GPN3: variants seen among roughly 807,000 people sequenced by gnomAD.
The protein encoded by GPN3 is ATP-binding domain 1 family member C.
Under a neutral mutation model 38.7 loss-of-function variants are expected in GPN3, and 31 were observed. The observed-to-expected ratio is 0.80, with a 90% CI of 0.60 to 1.08. The LOEUF is 1.08. Among genes scored for constraint, GPN3 ranks in the 50% least tolerant of loss-of-function variants. The pLI, the probability that GPN3 is intolerant of heterozygous loss-of-function variation, is 0.00. For missense variants in GPN3, 301 were observed against 354.4 expected (o/e 0.85, Z 1.21); for synonymous variants, 116 against 120.2 (o/e 0.96, Z 0.23).
intron 1 of GPN3, among the ~76,000 whole-genome samples, chr12:110,467,462 C>T (rs1252498143): frequency 5.9e-5 from 9 of 152,098 alleles, no homozygotes; most frequent in Admixed American, 5.9e-4. Flanking sequence ...TATATAAAAT[C>T]TTTAAATGTT....
At chr12:110,466,291 C>A (rs1299634929) in intron 1 of GPN3, among the ~76,000 whole-genome samples, 1 of 152,080 alleles carries the variant, frequency 6.6e-6, no homozygotes, top group Non-Finnish European at 1.5e-5. Flanking sequence ...CCCATACAAC[C>A]CCCAGGGCCC....
chr12:110,460,942 C>G, intron 2 of GPN3: 1 of 918,178 alleles, frequency 1.1e-6, no homozygotes, highest in South Asian at 1.3e-5. Context: ...CAAGCCCAGG[C>G]GACAGAGCAA....
intron 1 of GPN3, among the ~76,000 whole-genome samples, chr12:110,467,158 T>A (rs1210240468): frequency 6.6e-6 from 1 of 151,950 alleles, no homozygotes; most frequent in Non-Finnish European, 1.5e-5. Flanking sequence ...CTGGCTAATT[T>A]TTGCATTTTT....
chr12:110,466,713 C>T lies in GPN3; in HGVS notation c.48+1443G>A, dbSNP rs576077023. 7.2e-5 allele frequency among the ~76,000 whole-genome samples: 11 copies of T among 152,212 alleles called. No homozygotes were observed. In the East Asian group the frequency reaches 2.1e-3, roughly 29 times the overall value. ...GCTTCACCATGGTGCCCAGGCTGAC[C>T]CTGAACTCCTGGGCTCAAGTGATCT... On this transcript the variant is annotated intron_variant, in intron 1 of 7. Transcript: ENST00000228827.
chr12:110,456,691 C>CT (rs61183219), intron 4 of GPN3, among the ~76,000 whole-genome samples: 3,854 of 141,326 alleles, frequency 0.027, 64 homozygotes, highest in Middle Eastern at 0.066. Flanking sequence ...ACTACTTCCT[C>CT]TTTTTTTTTT....
At chr12:110,464,337 A>G (rs2135527583) in intron 2 of GPN3, among the ~76,000 whole-genome samples, 1 of 152,134 alleles carries the variant, frequency 6.6e-6, no homozygotes, top group East Asian at 1.9e-4. Flanking sequence ...CATGTTCATC[A>G]TGTTGTTTAT....
chr12:110,460,381 G>T (rs565871955), intron 2 of GPN3, among the ~76,000 whole-genome samples: 2 of 152,212 alleles, frequency 1.3e-5, no homozygotes, highest in African/African-American at 4.8e-5. Context: ...TATGAACCAT[G>T]TGAATATGTA....
chr12:110,466,983 G>A (rs1357344842), intron 1 of GPN3, among the ~76,000 whole-genome samples: 1 of 150,954 alleles, frequency 6.6e-6, no homozygotes, highest in Non-Finnish European at 1.5e-5. Flanking sequence ...AGACTCTAGT[G>A]TTTCCACACT....
At chr12:110,456,003 TC>T (rs2062547205) in intron 4 of GPN3, 73 bp from the exon 5 acceptor site, 2 of 806,482 alleles carry the variant, frequency 2.5e-6, no homozygotes, top group African/African-American at 1.7e-5. Context: ...TAAAGAGTCT[TC>T]TATTCCTCAC....
Position 110,465,217 on chromosome 12 carries a change from G to A in GPN3, c.49-3C>T, listed in dbSNP as rs1379822484. ...ACCATGGTGGCACAGTAGGTGCTCT[G>A]TAATGTCACAAGGCATGAGAGGTTA... On this transcript the variant is annotated splice_region_variant and splice_polypyrimidine_tract_variant and intron_variant, in intron 1 of 7. Coordinates refer to ENST00000228827, the MANE Select transcript of GPN3 (RefSeq NM_016301.4). 6.5e-7 allele frequency: 1 copy of A among 1,549,978 alleles called. No individual in the cohort carries two copies. The highest frequency in any genetic ancestry group is 8.9e-7 in the Non-Finnish European group (1 of 1,121,324).
intron 2 of GPN3, among the ~76,000 whole-genome samples, chr12:110,464,247 C>T (rs1438771337): frequency 6.6e-6 from 1 of 152,126 alleles, no homozygotes; most frequent in East Asian, 1.9e-4. Flanking sequence ...TCAGAGTCAC[C>T]ATTCTCCCTG....
At chr12:110,468,510 T>G (rs1234029108), upstream of GPN3, 1 of 1,537,288 alleles carries the variant, frequency 6.5e-7, no homozygotes, top group African/African-American at 1.4e-5. Flanking sequence ...TCCGCATCCT[T>G]GCGCCACGTG....
intron 6 of GPN3, among the ~76,000 whole-genome samples, chr12:110,455,215 C>A (rs1373723149): frequency 1.3e-5 from 2 of 151,970 alleles, no homozygotes; most frequent in Non-Finnish European, 2.9e-5. Context: ...CCTCCGCCTC[C>A]CGAGTTCAAG....
rs546965347 is a variant in GPN3, at chr12:110,461,371, G to A, written c.158-1509C>T. 148 of 550,704 alleles carry A rather than the reference G, an allele frequency of 2.7e-4. 3 individuals are homozygous for A. Among genetic ancestry groups the A allele is most frequent in the South Asian group, 2.2e-3 (133 of 59,478 alleles). The allele number at this position is 550,704 out of a possible 1,614,324, so 34.1% of individuals were successfully genotyped here. A position where few individuals can be genotyped will look rare whatever the true frequency, so the allele number is the denominator to read the frequency against. On this transcript the variant is annotated intron_variant, in intron 2 of 7. Coordinates refer to ENST00000228827, the MANE Select transcript of GPN3 (RefSeq NM_016301.4). The stretch of plus-strand genomic sequence containing the variant: ...TGTCGATGAGAACTAATCACTGATC[G>A]TCAAATACATCAAATAAAGTTATAA...
rs541086305 is a variant in GPN3, at chr12:110,452,847, A to G, written c.*187T>C. 1.5e-4 allele frequency: 82 copies of G among 564,406 alleles called. No homozygotes were observed. In the South Asian group the frequency reaches 1.6e-3, roughly 11 times the overall value. The allele number at this position is 564,406 out of a possible 1,614,324, so 35.0% of individuals were successfully genotyped here. Reference sequence around the variant, plus strand: ...AGTGATGCTGTTATAATACTAAAAGATTCCACTTTAAACAGCAGCAGTTTC... The same window carrying G: ...AGTGATGCTGTTATAATACTAAAAGGTTCCACTTTAAACAGCAGCAGTTTC... On this transcript the variant is annotated 3_prime_UTR_variant, in exon 8 of 8. Coordinates refer to ENST00000228827, the MANE Select transcript of GPN3 (RefSeq NM_016301.4).
chr12:110,457,457 CAAAAAAAAAAAAA>C (rs56713819), intron 4 of GPN3, 40 bp downstream of exon 4: 12 of 590,712 alleles, frequency 2.0e-5, no homozygotes, highest in Middle Eastern at 7.6e-4. Flanking sequence ...GTCACACACA[CAAAAAAAAAAAAA>C]AAAAAAAAAA....
chr12:110,468,224 G>A lies in GPN3; in HGVS notation c.-21C>T, dbSNP rs201009503. 656 of 1,607,958 alleles carry A rather than the reference G, an allele frequency of 4.1e-4. 5 individuals carry two copies. In the African/African-American group the frequency reaches 7.8e-3, roughly 19 times the overall value. On this transcript the variant is annotated 5_prime_UTR_variant, in exon 1 of 8. Coordinates refer to ENST00000228827, the MANE Select transcript of GPN3 (RefSeq NM_016301.4). ...GGCATGTTGGCTCCCGGAGCCGCCC[G>A]CCACACTCCCTTAGCCTTCGCGCGA... is the stretch of plus-strand genomic sequence containing the variant.
chr12:110,455,513 G>A, intron 6 of GPN3, 73 bp downstream of exon 6: 1 of 713,350 alleles, frequency 1.4e-6, no homozygotes, highest in Non-Finnish European at 2.5e-6. Context: ...TGCTGCCTTG[G>A]CCTGCCAAAG....
chr12:110,465,030 C>T, intron 2 of GPN3, 76 bp downstream of exon 2: 1 of 800,734 alleles, frequency 1.2e-6, no homozygotes, highest in South Asian at 1.4e-5. Context: ...AGTATCAGTG[C>T]TAAGCAGCTA....
Sources: gnomAD v4.1 joint callset for allele counts (sites outside exome capture counted in the v4.1 genomes callset) on GRCh38, gnomAD v4.1.1 for gene constraint, MANE v1.5 for transcripts, NCBI Gene and HGNC (gene_info 2026-07-23, HGNC 2026-07-21) for gene names.